ECSIT: variants seen among roughly 807,000 people sequenced by gnomAD.
ECSIT encodes evolutionarily conserved signaling intermediate in Toll pathway, mitochondrial.
A neutral mutation model predicts 36.8 loss-of-function variants in ECSIT; 29 were observed. That is an observed-to-expected ratio of 0.79 (90% CI 0.59 to 1.08). The LOEUF is 1.08. Ranked by LOEUF, ECSIT falls within the 50% of genes least tolerant of loss-of-function variation. The pLI, the probability that ECSIT is intolerant of heterozygous loss-of-function variation, is 0.00. For missense variants in ECSIT, 542 were observed against 581.0 expected (o/e 0.93, Z 0.69); for synonymous variants, 231 against 234.8 (o/e 0.98, Z 0.15).
rs1421706413 is a variant in ECSIT at position 11,507,698 on chromosome 19, T to G, written c.945+4A>C. On this transcript the variant is annotated splice_donor_region_variant and intron_variant, in intron 6 of 7. Transcript: ENST00000270517. ...CCAACACATGCTTTGCTTTAAGCCC[T>G]CACCCTCTCCTCCGGGGGCAGCAAG... The G allele has an allele frequency of 1.9e-6, 3 of 1,613,940 alleles. No individual in the cohort carries two copies. The highest frequency in any genetic ancestry group is 1.7e-6 in the Non-Finnish European group (2 of 1,179,968).
intron 1 of ECSIT, among the ~76,000 whole-genome samples, chr19:11,520,410 G>T (rs1972079153): frequency 6.6e-6 from 1 of 152,074 alleles, no homozygotes; most frequent in African/African-American, 2.4e-5. Flanking sequence ...GACCTCAAGT[G>T]ATCCGCCAGC....
intron 1 of ECSIT, among the ~76,000 whole-genome samples, chr19:11,526,242 C>T (rs1170299612): frequency 2.0e-5 from 3 of 152,096 alleles, no homozygotes; most frequent in Non-Finnish European, 4.4e-5. Context: ...GGATTACAGG[C>T]ATGAGCCACT....
At chr19:11,513,423 G>A in intron 3 of ECSIT, 144 bp from the exon 4 acceptor site, 1 of 830,456 alleles carries the variant, frequency 1.2e-6, no homozygotes, top group South Asian at 1.5e-5. Context: ...AAAGGCTCAT[G>A]CCTGTAATCC....
intron 1 of ECSIT, chr19:11,523,355 C>T (rs936944717): frequency 1.3e-5 from 5 of 395,076 alleles, no homozygotes; most frequent in Non-Finnish European, 2.2e-5. Flanking sequence ...TGTTAATCAC[C>T]CTTTCCCTGC....
intron 2 of ECSIT, among the ~76,000 whole-genome samples, chr19:11,515,875 G>C (rs886206879): frequency 1.3e-5 from 2 of 151,798 alleles, no homozygotes; most frequent in Non-Finnish European, 2.9e-5. Flanking sequence ...CTTGTGATCC[G>C]CCCACCTCGG....
Position 11,519,037 on chromosome 19 carries a change from C to A in ECSIT, c.96+38G>T. On this transcript the variant is annotated intron_variant, in intron 2 of 7. Coordinates refer to ENST00000270517, the MANE Select transcript of ECSIT (RefSeq NM_016581.5). The surrounding 1 kb of genome is among the most constrained non-coding windows in gnomAD (Gnocchi z 4.4). ...GAGTTGGGAGCAAATCCCAAGCTTA[C>A]CTCCCTCTACCCAAAAGACTGCCTG... 1 of 1,513,056 alleles carries A rather than the reference C, an allele frequency of 6.6e-7. No individual in the cohort carries two copies. The highest frequency in any genetic ancestry group is 9.0e-7 in the Non-Finnish European group (1 of 1,111,824). 93.7% of individuals were successfully genotyped at this position (1,513,056 alleles called of 1,614,324 possible).
chr19:11,527,217 G>A (rs1972233755), intron 1 of ECSIT, among the ~76,000 whole-genome samples: 1 of 152,154 alleles, frequency 6.6e-6, no homozygotes, highest in South Asian at 2.1e-4. Flanking sequence ...AGCTATTCGG[G>A]AGCCTGAGGC....
intron 1 of ECSIT, among the ~76,000 whole-genome samples, chr19:11,526,972 G>C (rs1161130072): frequency 6.6e-6 from 1 of 151,272 alleles, no homozygotes; most frequent in Non-Finnish European, 1.5e-5. Context: ...CACCCATCTT[G>C]GCCTCCCAAA....
At chr19:11,527,429 C>T (rs1326948596) in intron 1 of ECSIT, among the ~76,000 whole-genome samples, 1 of 152,172 alleles carries the variant, frequency 6.6e-6, no homozygotes, top group Non-Finnish European at 1.5e-5. Flanking sequence ...GCCTGTAATC[C>T]CAACACTTTG....
At chr19:11,526,912 G>A (rs1210303259) in intron 1 of ECSIT, among the ~76,000 whole-genome samples, 1 of 151,542 alleles carries the variant, frequency 6.6e-6, no homozygotes, top group Non-Finnish European at 1.5e-5. Context: ...TAGAGATGGG[G>A]TTTCATCATG....
intron 2 of ECSIT, among the ~76,000 whole-genome samples, chr19:11,518,689 G>C (rs113872371): frequency 0.018 from 2,752 of 152,164 alleles, 33 homozygotes; most frequent in South Asian, 0.029. Flanking sequence ...CTTGAGCCCA[G>C]AGTTCAAGAC....
At chr19:11,522,522 G>A (rs1186375104) in intron 1 of ECSIT, 1 of 884,120 alleles carries the variant, frequency 1.1e-6, no homozygotes, top group East Asian at 2.6e-5. Flanking sequence ...ACCCAGGTGT[G>A]CCCCACGTAA....
intron 4 of ECSIT, among the ~76,000 whole-genome samples, chr19:11,508,963 A>G (rs142075330): frequency 9.6e-4 from 147 of 152,390 alleles, no homozygotes; most frequent in Non-Finnish European, 1.6e-3. Context: ...AGGAGACACT[A>G]GAAGCAAATG....
Position 11,517,324 on chromosome 19 carries a change from G to A in ECSIT, c.96+1751C>T, listed in dbSNP as rs1196454075. On this transcript the variant is annotated intron_variant, in intron 2 of 7. Coordinates refer to ENST00000270517, the MANE Select transcript of ECSIT (RefSeq NM_016581.5). The stretch of plus-strand genomic sequence containing the variant: ...TCATTTACAGTAAAATTTCAGGTTG[G>A]GCGCAGTGGCTCGTGCCTGTAATCC... Among the ~76,000 whole-genome samples the A allele has an allele frequency of 3.3e-5, 5 of 152,030 alleles. 2 individuals are homozygous for A. The highest frequency in any genetic ancestry group is 2.6e-4 in the Admixed American group (4 of 15,250).
chr19:11,512,858 G>A (rs1016663495), intron 4 of ECSIT, among the ~76,000 whole-genome samples, 198 bp downstream of exon 4: 8 of 152,108 alleles, frequency 5.3e-5, no homozygotes, highest in Non-Finnish European at 1.0e-4. Context: ...TGGAAAGATC[G>A]CTTGAGCCTG....
intron 3 of ECSIT, 150 bp downstream of exon 3, chr19:11,513,654 A>G: frequency 1.1e-6 from 1 of 913,740 alleles, no homozygotes; most frequent in Non-Finnish European, 1.7e-6. Context: ...AGAAAGAGAG[A>G]TGAGTGATGA....
intron 2 of ECSIT, among the ~76,000 whole-genome samples, chr19:11,517,434 A>C (rs901902106): frequency 6.6e-6 from 1 of 151,922 alleles, no homozygotes; most frequent in Non-Finnish European, 1.5e-5. Context: ...CATCTCTACC[A>C]AAAATGCAAA....
chr19:11,511,023 C>A (rs777422766), intron 4 of ECSIT, among the ~76,000 whole-genome samples: 2 of 151,992 alleles, frequency 1.3e-5, no homozygotes, highest in African/African-American at 2.4e-5. Context: ...CACTGCACCG[C>A]ATTTCCTGGT....
At chr19:11,510,256 G>C (rs1971843909) in intron 4 of ECSIT, among the ~76,000 whole-genome samples, 1 of 152,000 alleles carries the variant, frequency 6.6e-6, no homozygotes, top group African/African-American at 2.4e-5. Flanking sequence ...GCTCACTACA[G>C]ACTTGACTTC....
Sources: allele counts gnomAD v4.1 joint callset (sites outside exome capture counted in the v4.1 genomes callset), GRCh38; gene constraint gnomAD v4.1.1; non-coding constraint Gnocchi (gnomAD v3.1); transcripts MANE v1.5; gene names NCBI Gene and HGNC (gene_info 2026-07-23, HGNC 2026-07-21).